Variants in CAP2 observed in about 807,000 individuals in gnomAD.
The protein encoded by CAP2 is adenylyl cyclase-associated protein 2.
A neutral mutation model predicts 57.7 loss-of-function variants in CAP2; 24 were observed. The ratio of observed to expected loss-of-function variants is 0.42; its 90% CI spans 0.30 to 0.58. The LOEUF is 0.58. Ranked by LOEUF, CAP2 falls within the 20% of genes least tolerant of loss-of-function variation. The probability of loss-of-function intolerance (pLI) is 0.22; values close to 1 mark genes in which losing one functional copy is unlikely to be tolerated. For synonymous variants in CAP2, 194 were observed against 207.2 expected, an observed-to-expected ratio of 0.94 and a Z score of 0.55; for missense variants, 501 against 590.3, an observed-to-expected ratio of 0.85 and a Z score of 1.57.
At chr6:17,417,145 GA>G (rs11340468) in intron 1 of CAP2, among the ~76,000 whole-genome samples, 43,972 of 138,388 alleles carry the variant, frequency 0.32, 6,851 homozygotes, top group South Asian at 0.41. Context: ...ATTCAGATAA[GA>G]AAAAAAAAAA....
chr6:17,422,549 C>T (rs1176572378), intron 2 of CAP2, among the ~76,000 whole-genome samples: 1 of 151,882 alleles, frequency 6.6e-6, no homozygotes, highest in East Asian at 1.9e-4. Context: ...CGGGGTTTCA[C>T]CATGTTAGCC....
intron 3 of CAP2, among the ~76,000 whole-genome samples, chr6:17,434,290 G>A (rs1371498253): frequency 1.3e-5 from 2 of 148,198 alleles, no homozygotes; most frequent in African/African-American, 5.1e-5. Context: ...GTGCAGTGGT[G>A]CAATCTCAGA....
chr6:17,505,686 A>C (rs1435352884), intron 4 of CAP2, among the ~76,000 whole-genome samples: 1 of 152,244 alleles, frequency 6.6e-6, no homozygotes. Flanking sequence ...ACAGAGCTGA[A>C]GTACAGGACC....
chr6:17,554,007 G>T (rs1202983092), intron 12 of CAP2, among the ~76,000 whole-genome samples: 1 of 152,200 alleles, frequency 6.6e-6, no homozygotes, highest in Non-Finnish European at 1.5e-5. Flanking sequence ...ACGTTATTCA[G>T]ATTGTGGGTT....
chr6:17,547,744 G>A (rs1016997718), intron 11 of CAP2, among the ~76,000 whole-genome samples: 6 of 152,068 alleles, frequency 3.9e-5, no homozygotes, highest in Admixed American at 3.3e-4. Context: ...AGGAGGCTGA[G>A]GCAGGAGAAT....
chr6:17,449,008 C>T (rs540490743), intron 3 of CAP2, among the ~76,000 whole-genome samples: 5 of 152,342 alleles, frequency 3.3e-5, no homozygotes, highest in South Asian at 2.1e-4. Flanking sequence ...GTGATCCACC[C>T]GCCTTGGGCT....
chr6:17,461,244 T>G (rs746706172), intron 3 of CAP2, among the ~76,000 whole-genome samples: 110 of 151,036 alleles, frequency 7.3e-4, no homozygotes, highest in Non-Finnish European at 1.0e-3. Context: ...TTTTGAGACG[T>G]AGTCTCCCTC....
rs111618766 is a variant in CAP2 at position 17,418,176 on chromosome 6, C to T, written c.-1-3379C>T. Among the ~76,000 whole-genome samples, 828 of 152,216 alleles carry T rather than the reference C, an allele frequency of 5.4e-3. 7 individuals carry two copies. The highest frequency in any genetic ancestry group is 0.018 in the African/African-American group (746 of 41,530). On this transcript the variant is annotated intron_variant, in intron 1 of 12. Coordinates refer to ENST00000229922, the MANE Select transcript of CAP2 (RefSeq NM_006366.3). ...AGACAGAGAGAGTTTGGAGAGAAGG[C>T]GGCATGATCATCCGATCATCTTGGG...
chr6:17,488,783 G>A (rs1212318144), intron 4 of CAP2, among the ~76,000 whole-genome samples: 1 of 152,208 alleles, frequency 6.6e-6, no homozygotes, highest in Non-Finnish European at 1.5e-5. Flanking sequence ...ATCAAAGTTT[G>A]CACGCGAAGT....
intron 7 of CAP2, among the ~76,000 whole-genome samples, chr6:17,534,627 CT>C (rs1762728366): frequency 6.6e-6 from 1 of 152,194 alleles, no homozygotes; most frequent in African/African-American, 2.4e-5. Flanking sequence ...CCCGTGCCCC[CT>C]CTCCTGTGGG....
At chr6:17,467,339 TGAACTCTAA>T (rs1760890586) in intron 4 of CAP2, among the ~76,000 whole-genome samples, 1 of 152,262 alleles carries the variant, frequency 6.6e-6, no homozygotes, top group African/African-American at 2.4e-5. Flanking sequence ...CCCTTGTTGC[TGAACTCTAA>T]GGTAATGAAT....
At chr6:17,433,506 T>A (rs1759796231) in intron 3 of CAP2, among the ~76,000 whole-genome samples, 1 of 152,216 alleles carries the variant, frequency 6.6e-6, no homozygotes, top group Non-Finnish European at 1.5e-5. Flanking sequence ...TAGGTCTCCA[T>A]GACCAGGCTT....
At chr6:17,540,023 G>C (rs979947957) in intron 8 of CAP2, among the ~76,000 whole-genome samples, 1 of 152,086 alleles carries the variant, frequency 6.6e-6, no homozygotes, top group African/African-American at 2.4e-5. Flanking sequence ...TGGGGGCTGC[G>C]GTGAGCTGAG....
chr6:17,520,118 G>GT (rs139165741), intron 7 of CAP2, among the ~76,000 whole-genome samples: 1 of 151,830 alleles, frequency 6.6e-6, no homozygotes, highest in Non-Finnish European at 1.5e-5. Context: ...GTTTTGTTTT[G>GT]TTTTTTTGAT....
At chr6:17,543,238 G>T (rs1762951036) in intron 11 of CAP2, 95 bp downstream of exon 11, 1 of 1,036,932 alleles carries the variant, frequency 9.6e-7, no homozygotes, top group African/African-American at 1.6e-5. Flanking sequence ...GTAGTAAGCA[G>T]CCTTTCCAAC....
At position 17,556,446 on chromosome 6, in the gene CAP2, C is replaced by T; in HGVS notation, c.*4C>T. Reference sequence around the variant, plus strand: ...ACCTGCAGAAATTATGGCCTAACTTCCTGAGAGACCGAACCCCCTCACCTG... The same window carrying T: ...ACCTGCAGAAATTATGGCCTAACTTTCTGAGAGACCGAACCCCCTCACCTG... On this transcript the variant is annotated 3_prime_UTR_variant, in exon 13 of 13. Coordinates refer to ENST00000229922, the MANE Select transcript of CAP2 (RefSeq NM_006366.3). 1.9e-6 allele frequency: 3 copies of T among 1,600,592 alleles called. No individual in the cohort carries two copies. The highest frequency in any genetic ancestry group is 2.6e-6 in the Non-Finnish European group (3 of 1,167,694).
chr6:17,419,718 C>G (rs899184687), intron 1 of CAP2, among the ~76,000 whole-genome samples: 1 of 151,716 alleles, frequency 6.6e-6, no homozygotes, highest in African/African-American at 2.4e-5. Context: ...GAGTCTTGCT[C>G]TGTCACCCAG....
chr6:17,515,397 G>A (rs1762254325), intron 7 of CAP2, among the ~76,000 whole-genome samples: 1 of 152,102 alleles, frequency 6.6e-6, no homozygotes, highest in Admixed American at 6.5e-5. Context: ...ACAAGTGGAA[G>A]CTAAATAATG....
intron 4 of CAP2, among the ~76,000 whole-genome samples, chr6:17,475,926 C>A (rs1402693408): frequency 1.3e-5 from 2 of 152,168 alleles, no homozygotes; most frequent in African/African-American, 4.8e-5. Flanking sequence ...AGAATAATGA[C>A]CAACACATCA....
Sources: gnomAD v4.1 joint callset for allele counts (sites outside exome capture counted in the v4.1 genomes callset) on GRCh38, gnomAD v4.1.1 for gene constraint, MANE v1.5 for transcripts, NCBI Gene and HGNC (gene_info 2026-07-23, HGNC 2026-07-21) for gene names.